The following SLCO2B1 variants were observed in gnomAD, a reference collection of about 807,000 sequenced individuals.
SLCO2B1 encodes the protein OATP-RP2.
A neutral mutation model predicts 67.3 loss-of-function variants in SLCO2B1; 41 were observed. The ratio of observed to expected loss-of-function variants is 0.61; its 90% CI spans 0.47 to 0.79. The LOEUF (loss-of-function observed/expected upper bound fraction) is 0.79, where lower values mean the gene tolerates loss of function less well. Among genes scored for constraint, SLCO2B1 ranks in the 30% least tolerant of loss-of-function variants. The probability of loss-of-function intolerance (pLI) is 0.00; values close to 1 mark genes in which losing one functional copy is unlikely to be tolerated. For missense variants in SLCO2B1, 837 were observed against 920.1 expected, an observed-to-expected ratio of 0.91 and a Z score of 1.17; for synonymous variants, 379 against 381.4, an observed-to-expected ratio of 0.99 and a Z score of 0.07.
chr11:75,160,235 G>A (rs1324975682), intron 1 of SLCO2B1, among the ~76,000 whole-genome samples: 1 of 152,158 alleles, frequency 6.6e-6, no homozygotes, highest in African/African-American at 2.4e-5. Flanking sequence ...GGTTTGGGTG[G>A]GCCAAGACAG....
intron 7 of SLCO2B1, among the ~76,000 whole-genome samples, chr11:75,175,145 G>C (rs1950008102): frequency 6.6e-6 from 1 of 152,208 alleles, no homozygotes; most frequent in South Asian, 2.1e-4. Flanking sequence ...GGGGAGGGAA[G>C]GGGGTGAGAG....
rs781673435 is a variant in SLCO2B1 at position 75,164,085 on chromosome 11, G to A, written c.270G>A (p.Leu90=). 4 of 1,607,948 alleles carry A rather than the reference G, an allele frequency of 2.5e-6. No individual in the cohort carries two copies. In the South Asian group the frequency reaches 4.5e-5, roughly 18 times the overall value. ...FGLSSQTSGL[L]ASFNEVGNTA... is the part of the protein sequence containing the mutation. ...TCTCCAGCCAGACGTCGGGGCTGCTGGCCTCCTTCAACGAGGTACAGGCCC... is the reference window on the plus strand; with the variant it reads ...TCTCCAGCCAGACGTCGGGGCTGCTAGCCTCCTTCAACGAGGTACAGGCCC... Residue 90 remains leucine (L), a synonymous_variant, in exon 3 of 14, where the codon CTG becomes CTA. Transcript: ENST00000289575.
At chr11:75,159,458 G>T (rs1565531879) in intron 1 of SLCO2B1, among the ~76,000 whole-genome samples, 1 of 152,184 alleles carries the variant, frequency 6.6e-6, no homozygotes, top group African/African-American at 2.4e-5. Flanking sequence ...TCCTGTCAGG[G>T]GTGGCCCCTG....
At chr11:75,200,552 A>C in intron 11 of SLCO2B1, 165 bp downstream of exon 11, 1 of 590,148 alleles carries the variant, frequency 1.7e-6, no homozygotes, top group Non-Finnish European at 2.7e-6. Flanking sequence ...CTACTGAGGC[A>C]AGGTTTTCTC....
At position 75,203,263 on chromosome 11, in the gene SLCO2B1, A is replaced by T. The variant is rs865878193; in HGVS notation, c.1829-44A>T. On this transcript the variant is annotated intron_variant, in intron 12 of 13. Coordinates refer to ENST00000289575, the MANE Select transcript of SLCO2B1 (RefSeq NM_007256.5). Reference sequence around the variant, plus strand: ...GTACATGCCAGGGAGGGGGCAGGGTAGGACGGTGGGCCTTCATTGTCCCCT... The same window carrying T: ...GTACATGCCAGGGAGGGGGCAGGGTTGGACGGTGGGCCTTCATTGTCCCCT... 5 of 1,604,520 alleles carry T rather than the reference A, an allele frequency of 3.1e-6. No individual in the cohort carries two copies. The Middle Eastern group carries it at 8.8e-4, about 282-fold the overall frequency.
chr11:75,171,928 AGAGGAG>A (rs879112161), intron 6 of SLCO2B1, among the ~76,000 whole-genome samples: 1 of 152,068 alleles, frequency 6.6e-6, no homozygotes, highest in East Asian at 1.9e-4. Context: ...AGAAGGAGGA[AGAGGAG>A]GAGGAGGAGG....
At chr11:75,167,895 C>CTTTTTTTTTT (rs561140005) in intron 4 of SLCO2B1, among the ~76,000 whole-genome samples, 2 of 134,442 alleles carry the variant, frequency 1.5e-5, no homozygotes, top group Non-Finnish European at 3.1e-5. Flanking sequence ...TTCTTTCTTT[C>CTTTTTTTTTT]TTTTTTTTTT....
At chr11:75,156,121 G>GA (rs941364036) in intron 1 of SLCO2B1, among the ~76,000 whole-genome samples, 1 of 152,150 alleles carries the variant, frequency 6.6e-6, no homozygotes, top group Non-Finnish European at 1.5e-5. Context: ...TTACAGAGAA[G>GA]AAAACAGGCT....
intron 8 of SLCO2B1, among the ~76,000 whole-genome samples, chr11:75,190,794 C>T (rs1012834340): frequency 1.3e-5 from 2 of 152,070 alleles, no homozygotes; most frequent in African/African-American, 2.4e-5. Flanking sequence ...CTGGGTGAGG[C>T]TCCTGGCTGA....
chr11:75,162,986 G>A (rs950506336), intron 2 of SLCO2B1: 12 of 541,216 alleles, frequency 2.2e-5, no homozygotes, highest in Non-Finnish European at 3.6e-5. Flanking sequence ...GTACATGTTC[G>A]CTCCTCCCAG....
chr11:75,153,521 C>T (rs971018726), intron 1 of SLCO2B1, among the ~76,000 whole-genome samples: 36 of 152,216 alleles, frequency 2.4e-4, no homozygotes, highest in African/African-American at 8.2e-4. Context: ...TGGAGGCCAG[C>T]CCCCAGGTCT....
chr11:75,166,708 C>T (rs901836555), intron 4 of SLCO2B1, among the ~76,000 whole-genome samples: 21 of 152,202 alleles, frequency 1.4e-4, no homozygotes, highest in African/African-American at 4.3e-4. Context: ...CTGCCTACTT[C>T]GTGCCTGAGC....
In SLCO2B1 at chr11:75,169,226, C is replaced by T; in HGVS notation, c.502C>T (p.Pro168Ser). 2 of 1,614,202 alleles carry T rather than the reference C, an allele frequency of 1.2e-6. No individual in the cohort carries two copies. Among genetic ancestry groups the T allele is most frequent in the Non-Finnish European group, 1.7e-6 (2 of 1,180,026 alleles). Residue 168 changes from proline to serine, a missense_variant, in exon 5 of 14, where the codon CCA becomes TCA. Coordinates refer to ENST00000289575, the MANE Select transcript of SLCO2B1 (RefSeq NM_007256.5). Reference protein sequence around the residue: ...ASLCLPTTSAPASAPSNGNCS... With the variant: ...ASLCLPTTSASASAPSNGNCS... ...CCTGTGCCTGCCCACAACCTCGGCC[C>T]CAGCCTCGGCCCCCTCCAATGGCAA...
In SLCO2B1 at chr11:75,200,498, T is replaced by C. The variant is rs1440590216; in HGVS notation, c.1763+111T>C. ...AAGAAAGGAGGCCACTTGGGTGTCCTGGCCCCCACAATATGGCCTTAACTG... is the reference window on the plus strand; with the variant it reads ...AAGAAAGGAGGCCACTTGGGTGTCCCGGCCCCCACAATATGGCCTTAACTG... On this transcript the variant is annotated intron_variant, in intron 11 of 13. Coordinates refer to ENST00000289575, the MANE Select transcript of SLCO2B1 (RefSeq NM_007256.5). The C allele has an allele frequency of 6.0e-5, 67 of 1,124,458 alleles. 1 individual carries two copies. Among genetic ancestry groups the C allele is most frequent in the Middle Eastern group, 2.3e-4 (1 of 4,266 alleles). The allele number at this position is 1,124,458 out of a possible 1,614,324, so 69.7% of individuals were successfully genotyped here.
chr11:75,162,203 A>G (rs1000665989), intron 1 of SLCO2B1, among the ~76,000 whole-genome samples: 1 of 152,160 alleles, frequency 6.6e-6, no homozygotes, highest in African/African-American at 2.4e-5. Context: ...CACCTGCCCC[A>G]GATCTCTGAT....
chr11:75,176,633 G>A (rs780885263), intron 7 of SLCO2B1, among the ~76,000 whole-genome samples: 8 of 152,180 alleles, frequency 5.3e-5, no homozygotes, highest in Non-Finnish European at 1.0e-4. Context: ...TCTCCCAGTC[G>A]TTAACTTCCA....
At chr11:75,203,723 G>C in intron 13 of SLCO2B1, 1 of 356,056 alleles carries the variant, frequency 2.8e-6, no homozygotes, top group South Asian at 3.3e-5. Flanking sequence ...CAGAGGAGCA[G>C]CCATGCTGCG....
At chr11:75,166,570 C>T (rs909439752) in intron 4 of SLCO2B1, among the ~76,000 whole-genome samples, 6 of 151,892 alleles carry the variant, frequency 4.0e-5, no homozygotes, top group Admixed American at 1.3e-4. Context: ...CACCCACCCA[C>T]CCACTCACCC....
chr11:75,196,234 G>C, intron 9 of SLCO2B1: 1 of 357,248 alleles, frequency 2.8e-6, no homozygotes, highest in South Asian at 7.0e-5. Flanking sequence ...CTTCTGGGAG[G>C]AATTTATCTT....
Sources: gnomAD v4.1 joint callset for allele counts (sites outside exome capture counted in the v4.1 genomes callset) on GRCh38, gnomAD v4.1.1 for gene constraint, MANE v1.5 for transcripts, NCBI Gene and HGNC (gene_info 2026-07-23, HGNC 2026-07-21) for gene names.